COL15A1: variants seen among roughly 807,000 people sequenced by gnomAD.
The protein encoded by COL15A1 is collagen type XV alpha 1 chain.
A neutral mutation model predicts 165.9 loss-of-function variants in COL15A1; 111 were observed. That is an observed-to-expected ratio of 0.67 (90% CI 0.57 to 0.78). The LOEUF (loss-of-function observed/expected upper bound fraction) is 0.78. Ranked by LOEUF, COL15A1 falls within the 30% of genes least tolerant of loss-of-function variation. The pLI, the probability that COL15A1 is intolerant of heterozygous loss-of-function variation, is 0.00. For synonymous variants in COL15A1, 659 were observed against 674.8 expected (o/e 0.98, Z 0.36); for missense variants, 1,745 against 1,789.7 (o/e 0.98, Z 0.45).
At chr9:98,976,639 G>A (rs946095716) in intron 2 of COL15A1, among the ~76,000 whole-genome samples, 2 of 152,182 alleles carry the variant, frequency 1.3e-5, no homozygotes, top group African/African-American at 4.8e-5. Flanking sequence ...CTCAGACTGT[G>A]AGCCTGGCAC....
chr9:99,060,254 A>T (rs760196018), intron 36 of COL15A1, among the ~76,000 whole-genome samples: 37,948 of 140,364 alleles, frequency 0.27, 5,870 homozygotes, highest in East Asian at 0.63. Context: ...ATATATATAT[A>T]TATTTTTTTT....
chr9:98,990,721 G>A (rs1838405706), intron 5 of COL15A1, among the ~76,000 whole-genome samples: 1 of 152,194 alleles, frequency 6.6e-6, no homozygotes. Context: ...CACCAGAGCT[G>A]GGCAGCTTTG....
rs374990597 is a variant in COL15A1 at position 98,985,111 on chromosome 9, G to A, written c.101-454G>A. On this transcript the variant is annotated intron_variant, in intron 2 of 41. Coordinates refer to ENST00000375001, the MANE Select transcript of COL15A1 (RefSeq NM_001855.5). ...CTGGCCCCTATTCAGTTTTATAGTG[G>A]GGAAAAAAAAAATCTCCAAGTCGAT... Among the ~76,000 whole-genome samples the A allele has an allele frequency of 5.3e-5, 8 of 151,598 alleles. No homozygotes were observed. The South Asian group carries it at 1.5e-3, about 28-fold the overall frequency.
At chr9:98,965,312 A>G (rs1215635346) in intron 2 of COL15A1, among the ~76,000 whole-genome samples, 5 of 152,118 alleles carry the variant, frequency 3.3e-5, no homozygotes, top group Non-Finnish European at 5.9e-5. Flanking sequence ...CAGTCTCCTA[A>G]AGGAAAAAGA....
chr9:98,999,771 T>C (rs1838616717), intron 6 of COL15A1, among the ~76,000 whole-genome samples: 1 of 151,842 alleles, frequency 6.6e-6, no homozygotes, highest in Non-Finnish European at 1.5e-5. Flanking sequence ...CCTCCTGCCT[T>C]GGCCTCCCAA....
intron 2 of COL15A1, among the ~76,000 whole-genome samples, chr9:98,973,581 T>A (rs544948947): frequency 6.6e-6 from 1 of 152,370 alleles, no homozygotes; most frequent in South Asian, 2.1e-4. Context: ...GTGTTCATTT[T>A]CCTCAGAAAG....
At chr9:99,068,912 A>G (rs77707497) in intron 41 of COL15A1, among the ~76,000 whole-genome samples, 3 of 152,216 alleles carry the variant, frequency 2.0e-5, no homozygotes, top group African/African-American at 4.8e-5. Flanking sequence ...TTACCTGTCA[A>G]ATGGGCAACA....
intron 13 of COL15A1, among the ~76,000 whole-genome samples, chr9:99,022,426 G>T (rs1366726605): frequency 4.6e-5 from 7 of 152,132 alleles, no homozygotes; most frequent in African/African-American, 1.7e-4. Flanking sequence ...TTCTCCTCCT[G>T]GGTTCCCCAT....
Position 99,041,745 on chromosome 9 carries a change from G to A in COL15A1, c.2512-300G>A, listed in dbSNP as rs542426551. Among the ~76,000 whole-genome samples the A allele has an allele frequency of 8.5e-5, 13 of 152,266 alleles. No homozygotes were observed. The South Asian group carries it at 2.7e-3, about 32-fold the overall frequency. On this transcript the variant is annotated intron_variant, in intron 23 of 41. Coordinates refer to ENST00000375001, the MANE Select transcript of COL15A1 (RefSeq NM_001855.5). ...TGCAGGGTGGCCTGGAGGAGCCGTG[G>A]GGCAAGCAGATGCAGCAGGCCCAGA...
At chr9:99,056,213 G>A (rs1825717884) in intron 34 of COL15A1, 47 bp from the exon 35 acceptor site, 1 of 1,589,500 alleles carries the variant, frequency 6.3e-7, no homozygotes, top group Non-Finnish European at 8.6e-7. Flanking sequence ...GGGACTTCGA[G>A]TGATGAATGA....
At chr9:99,055,025 G>A in intron 32 of COL15A1, 77 bp from the exon 33 acceptor site, 1 of 1,219,894 alleles carries the variant, frequency 8.2e-7, no homozygotes, top group Admixed American at 1.7e-5. Context: ...ATGTAACTGT[G>A]GTTGCCAACT....
chr9:99,069,748 A>G lies in COL15A1; in HGVS notation c.4029A>G (p.Arg1343=). 1.2e-6 allele frequency: 2 copies of G among 1,614,236 alleles called. No homozygotes were observed. Among genetic ancestry groups the G allele is most frequent in the Middle Eastern group, 1.6e-4 (1 of 6,062 alleles). Residue 1343 remains arginine, a synonymous_variant, in exon 42 of 42, where the codon CGA becomes CGG. Transcript: ENST00000375001. Reference sequence around the variant, plus strand: ...TGGATAACTACTGTGAAGCATGGCGAACCGCGGACACAGCGGTCACGGGAC... The same window carrying G: ...TGGATAACTACTGTGAAGCATGGCGGACCGCGGACACAGCGGTCACGGGAC... The part of the protein sequence containing the change: ...RLVDNYCEAW[R]TADTAVTGLA...
intron 26 of COL15A1, among the ~76,000 whole-genome samples, chr9:99,046,852 G>A (rs577382023): frequency 2.6e-5 from 4 of 152,348 alleles, no homozygotes; most frequent in African/African-American, 7.2e-5. Context: ...CCTGTGCCCT[G>A]TCAACCCCAT....
At position 99,059,971 on chromosome 9, in the gene COL15A1, T is replaced by C. The variant is rs746086464; in HGVS notation, c.3402+18T>C. ...GAAACCTGGTCAGTATTATCATCAG[T>C]GTGTAGTCATCATTCCATTTGGGAT... is the stretch of plus-strand genomic sequence containing the variant. On this transcript the variant is annotated intron_variant, in intron 36 of 41. Transcript: ENST00000375001. 6.2e-7 allele frequency: 1 copy of C among 1,612,020 alleles called. No homozygotes were observed. The highest frequency in any genetic ancestry group is 1.3e-5 in the African/African-American group (1 of 74,762).
intron 28 of COL15A1, among the ~76,000 whole-genome samples, chr9:99,048,372 G>T (rs1839528728): frequency 1.3e-5 from 2 of 152,130 alleles, no homozygotes; most frequent in South Asian, 4.1e-4. Flanking sequence ...CTCAGTGAGT[G>T]CTGGAAGTCA....
chr9:99,069,959 T>G lies in COL15A1; in HGVS notation c.*73T>G. 1 of 1,266,160 alleles carries G rather than the reference T, an allele frequency of 7.9e-7. No individual in the cohort carries two copies. Among genetic ancestry groups the G allele is most frequent in the South Asian group, 1.4e-5 (1 of 70,656 alleles). 78.4% of individuals were successfully genotyped at this position (1,266,160 alleles called of 1,614,324 possible). On this transcript the variant is annotated 3_prime_UTR_variant, in exon 42 of 42. Coordinates refer to ENST00000375001, the MANE Select transcript of COL15A1 (RefSeq NM_001855.5). The stretch of plus-strand genomic sequence containing the variant: ...AGAGTTGACACTGAAATCTAAAATG[T>G]TTAATTGTTGTAAATATTACAGTTT...
intron 24 of COL15A1, among the ~76,000 whole-genome samples, chr9:99,044,187 A>G (rs988129407): frequency 1.3e-5 from 2 of 152,134 alleles, no homozygotes; most frequent in East Asian, 1.9e-4. Flanking sequence ...TGAGGGCACC[A>G]TGTGGCAGGA....
intron 5 of COL15A1, among the ~76,000 whole-genome samples, chr9:98,991,333 T>C (rs150995179): frequency 0.04 from 6,128 of 152,206 alleles, 145 homozygotes; most frequent in African/African-American, 0.055. Flanking sequence ...AGCTGATTGG[T>C]CCGTTTTACA....
chr9:98,979,323 C>T (rs189908602), intron 2 of COL15A1, among the ~76,000 whole-genome samples: 5 of 152,324 alleles, frequency 3.3e-5, no homozygotes, highest in Admixed American at 1.3e-4. Context: ...AATTTATGCT[C>T]CTGCCAGTAA....
Sources: gnomAD v4.1 joint callset for allele counts (sites outside exome capture counted in the v4.1 genomes callset) on GRCh38, gnomAD v4.1.1 for gene constraint, MANE v1.5 for transcripts, NCBI Gene and HGNC (gene_info 2026-07-23, HGNC 2026-07-21) for gene names.